Variants in SYNPR observed in about 807,000 individuals in gnomAD.
SYNPR encodes synaptoporin.
In SYNPR, 23 loss-of-function variants were observed where a neutral mutation model predicts 32.9. The ratio of observed to expected loss-of-function variants is 0.70; its 90% CI spans 0.50 to 0.99. The LOEUF is 0.99. SYNPR is among the 50% of genes least tolerant of loss of function. The pLI, the probability that SYNPR is intolerant of heterozygous loss-of-function variation, is 0.00. For missense variants in SYNPR, 318 were observed against 349.3 expected, an observed-to-expected ratio of 0.91 and a Z score of 0.71; for synonymous variants, 146 against 135.9, an observed-to-expected ratio of 1.07 and a Z score of -0.52.
intron 3 of SYNPR, among the ~76,000 whole-genome samples, chr3:63,511,335 A>G (rs576269475): frequency 8.5e-5 from 13 of 152,198 alleles, no homozygotes; most frequent in African/African-American, 2.6e-4. Flanking sequence ...AGTTTGCCCC[A>G]CTGTGCCAAG....
chr3:63,615,106 C>A lies in SYNPR; in HGVS notation c.601-118C>A. ...CGGTTCCAAATGGAAAACTTGGAAG[C>A]GGACTCAACATTAAAGTGAAAAGTG... On this transcript the variant is annotated intron_variant, in intron 5 of 5. Transcript: ENST00000478300. The A allele has an allele frequency of 2.4e-6, 3 of 1,245,110 alleles. No individual in the cohort carries two copies. The South Asian group carries it at 4.8e-5, about 20-fold the overall frequency. 77.1% of individuals were successfully genotyped at this position (1,245,110 alleles called of 1,614,324 possible).
intron 2 of SYNPR, among the ~76,000 whole-genome samples, chr3:63,263,018 T>C (rs980512672): frequency 2.4e-4 from 36 of 152,316 alleles, no homozygotes; most frequent in African/African-American, 7.0e-4. Flanking sequence ...AATTGAAGGA[T>C]TGGCTACCTC....
At chr3:63,535,368 A>T (rs1702184151) in intron 3 of SYNPR, among the ~76,000 whole-genome samples, 1 of 152,148 alleles carries the variant, frequency 6.6e-6, no homozygotes, top group South Asian at 2.1e-4. Context: ...GATATAGACT[A>T]CAATAACCTG....
chr3:63,585,141 CA>C (rs909950037), intron 4 of SYNPR, among the ~76,000 whole-genome samples: 1 of 151,828 alleles, frequency 6.6e-6, no homozygotes, highest in Non-Finnish European at 1.5e-5. Flanking sequence ...ATTCCCACTG[CA>C]AAAAAACTGT....
At chr3:63,320,523 C>G (rs2087100532) in intron 2 of SYNPR, among the ~76,000 whole-genome samples, 1 of 152,018 alleles carries the variant, frequency 6.6e-6, no homozygotes, top group African/African-American at 2.4e-5. Flanking sequence ...GATCCAAGTA[C>G]TTCTTCTGCA....
chr3:63,387,835 G>A (rs1314451542), intron 2 of SYNPR, among the ~76,000 whole-genome samples: 2 of 152,214 alleles, frequency 1.3e-5, no homozygotes, highest in Non-Finnish European at 2.9e-5. Flanking sequence ...GAGGGACAAA[G>A]CTACTGAGAC....
chr3:63,453,720 G>C (rs972403502), intron 2 of SYNPR, among the ~76,000 whole-genome samples: 1 of 152,116 alleles, frequency 6.6e-6, no homozygotes, highest in Non-Finnish European at 1.5e-5. Context: ...CTACCTGTGT[G>C]ACTTTTGAGT....
chr3:63,567,403 T>G (rs1203458145), intron 4 of SYNPR, among the ~76,000 whole-genome samples: 1 of 152,176 alleles, frequency 6.6e-6, no homozygotes, highest in Non-Finnish European at 1.5e-5. Context: ...AGTCTCAGAC[T>G]TTCATCCTCC....
intron 2 of SYNPR, among the ~76,000 whole-genome samples, chr3:63,404,854 G>A (rs1032834182): frequency 1.3e-5 from 2 of 151,920 alleles, no homozygotes; most frequent in Non-Finnish European, 2.9e-5. Flanking sequence ...TAAATCTCAG[G>A]GGTTAGACAA....
rs1326984067 is a variant in SYNPR at position 63,587,730 on chromosome 3, A to G, written c.409-21395A>G. On this transcript the variant is annotated intron_variant, in intron 4 of 5. Coordinates refer to ENST00000478300, the MANE Select transcript of SYNPR (RefSeq NM_001130003.2). ...TTTTGTTTTATTTTTTAATTTGGAG[A>G]TGGGGTATCCTTGAGGTAATTTAGG... 2.0e-5 allele frequency among the ~76,000 whole-genome samples: 3 copies of G among 152,136 alleles called. No homozygotes were observed. The East Asian group carries it at 5.8e-4, about 29-fold the overall frequency.
rs1408533354 is a variant in SYNPR, at chr3:63,494,474, TATAC to T, written c.209+13522_209+13525del. 7.4e-3 allele frequency among the ~76,000 whole-genome samples: 1,007 copies of T among 135,738 alleles called. 15 individuals are homozygous for T. The highest frequency in any genetic ancestry group is 0.027 in the African/African-American group (942 of 34,806). The allele number at this position is 135,738 out of a possible 152,430, so 89.0% of individuals were successfully genotyped here. A position where few individuals can be genotyped will look rare whatever the true frequency, so the allele number is the denominator to read the frequency against. ...ACATATATATACATATATACACATA[TATAC>T]ATATATATACATATATATACATATA... On this transcript the variant is annotated intron_variant, in intron 3 of 5. Transcript: ENST00000478300.
At chr3:63,605,310 G>A (rs1575734010) in intron 4 of SYNPR, among the ~76,000 whole-genome samples, 1 of 152,170 alleles carries the variant, frequency 6.6e-6, no homozygotes. Context: ...AGGAATTCTG[G>A]GCCAAGGGAA....
intron 5 of SYNPR, among the ~76,000 whole-genome samples, 178 bp downstream of exon 5, chr3:63,609,494 CA>C (rs748855521): frequency 1.3e-5 from 2 of 152,184 alleles, no homozygotes; most frequent in African/African-American, 4.8e-5. Flanking sequence ...TTCTTATTGT[CA>C]GAATCCATCA....
At chr3:63,500,439 C>T (rs1343846083) in intron 3 of SYNPR, among the ~76,000 whole-genome samples, 3 of 151,944 alleles carry the variant, frequency 2.0e-5, no homozygotes, top group East Asian at 1.9e-4. Flanking sequence ...TTTTTATCTC[C>T]GCAATAAAAT....
chr3:63,319,214 G>A (rs2087081606), intron 2 of SYNPR, among the ~76,000 whole-genome samples: 1 of 151,932 alleles, frequency 6.6e-6, no homozygotes, highest in South Asian at 2.1e-4. Context: ...TTGGTACCTT[G>A]TCAACAATGA....
chr3:63,278,971 G>C (rs575599771), intron 2 of SYNPR, among the ~76,000 whole-genome samples: 1 of 152,282 alleles, frequency 6.6e-6, no homozygotes, highest in Non-Finnish European at 1.5e-5. Flanking sequence ...CAGGGGCTTA[G>C]ACAAGTGTCG....
chr3:63,417,669 C>A (rs1326459268), intron 2 of SYNPR, among the ~76,000 whole-genome samples: 1 of 152,202 alleles, frequency 6.6e-6, no homozygotes, highest in Non-Finnish European at 1.5e-5. Flanking sequence ...TTCCAAACCC[C>A]AATTCTTGAC....
intron 2 of SYNPR, among the ~76,000 whole-genome samples, chr3:63,382,231 C>A (rs9818966): frequency 2.6e-5 from 4 of 152,110 alleles, no homozygotes; most frequent in South Asian, 2.1e-4. Flanking sequence ...TCCAGGCTCC[C>A]AAGGTGATCT....
chr3:63,495,133 T>C (rs1246849058), intron 3 of SYNPR, among the ~76,000 whole-genome samples: 2 of 152,200 alleles, frequency 1.3e-5, no homozygotes, highest in Non-Finnish European at 2.9e-5. Flanking sequence ...AATAAATAAG[T>C]TGTTGCTGAC....
Sources: gnomAD v4.1 joint callset for allele counts (sites outside exome capture counted in the v4.1 genomes callset) on GRCh38, gnomAD v4.1.1 for gene constraint, MANE v1.5 for transcripts, NCBI Gene and HGNC (gene_info 2026-07-23, HGNC 2026-07-21) for gene names.